The following SFMBT2 variants were observed in gnomAD, a reference collection of about 807,000 sequenced individuals.
SFMBT2 encodes the protein scm-like with four MBT domains protein 2.
SFMBT2 carries 38 observed loss-of-function variants against 110.1 expected under a neutral mutation model. The ratio of observed to expected loss-of-function variants is 0.35; its 90% CI spans 0.27 to 0.45. SFMBT2 has a LOEUF of 0.45. Among genes scored for constraint, SFMBT2 ranks in the 20% least tolerant of loss-of-function variants. SFMBT2 has a pLI of 1.00. For synonymous variants in SFMBT2, 425 were observed against 425.4 expected (o/e 1.00, Z 0.01); for missense variants, 1,011 against 1,094.9 (o/e 0.92, Z 1.08).
intron 11 of SFMBT2, among the ~76,000 whole-genome samples, chr10:7,210,186 C>T (rs1262164115): frequency 1.3e-5 from 2 of 152,292 alleles, no homozygotes; most frequent in East Asian, 3.9e-4. Flanking sequence ...CACGGCTCCA[C>T]CCAGCCGATG....
At chr10:7,278,519 C>T (rs867263826) in intron 6 of SFMBT2, among the ~76,000 whole-genome samples, 6 of 152,204 alleles carry the variant, frequency 3.9e-5, no homozygotes, top group Admixed American at 1.3e-4. Flanking sequence ...TGCCAACAGG[C>T]TGGAGCTCCT....
Position 7,194,988 on chromosome 10 carries a change from G to A in SFMBT2, c.1698+2560C>T, listed in dbSNP as rs112175097. ...TAAGGGAAGGTGTCATTTCAACAACGGAACACGTCACGTGAAACAGGCTTG... is the reference window on the plus strand; with the variant it reads ...TAAGGGAAGGTGTCATTTCAACAACAGAACACGTCACGTGAAACAGGCTTG... On this transcript the variant is annotated intron_variant, in intron 15 of 20. Transcript: ENST00000397167. 2.8e-3 allele frequency among the ~76,000 whole-genome samples: 428 copies of A among 152,284 alleles called. 2 individuals carry two copies. The highest frequency in any genetic ancestry group is 9.7e-3 in the African/African-American group (403 of 41,544).
chr10:7,232,083 A>G (rs1268846980), intron 9 of SFMBT2, among the ~76,000 whole-genome samples: 2 of 152,208 alleles, frequency 1.3e-5, no homozygotes, highest in Admixed American at 1.3e-4. Context: ...TAAACTTTGC[A>G]GCAAGCTTCC....
chr10:7,315,030 GAAAGAAAGAGAAAGA>G (rs1564435326), intron 4 of SFMBT2, among the ~76,000 whole-genome samples: 35 of 130,122 alleles, frequency 2.7e-4, no homozygotes, highest in Non-Finnish European at 5.1e-4. Flanking sequence ...GAGAGAGAAA[GAAAGAAAGAGAAAGA>G]AAGAAAGAAA....
At chr10:7,306,442 C>T (rs1410113420) in intron 4 of SFMBT2, among the ~76,000 whole-genome samples, 4 of 152,312 alleles carry the variant, frequency 2.6e-5, no homozygotes, top group Non-Finnish European at 5.9e-5. Context: ...GTATTGCTCA[C>T]GGCTGCTCTC....
chr10:7,313,936 G>A (rs1379344450), intron 4 of SFMBT2, among the ~76,000 whole-genome samples: 4 of 152,192 alleles, frequency 2.6e-5, no homozygotes, highest in African/African-American at 9.7e-5. Context: ...CAGCTTTTCT[G>A]CAGTTATTTC....
At chr10:7,268,496 C>T (rs537374637) in intron 7 of SFMBT2, among the ~76,000 whole-genome samples, 2 of 151,952 alleles carry the variant, frequency 1.3e-5, no homozygotes, top group South Asian at 4.2e-4. Flanking sequence ...GTGACTATGT[C>T]AAAGAAAGGT....
At chr10:7,376,423 A>G (rs1845210238) in intron 2 of SFMBT2, among the ~76,000 whole-genome samples, 1 of 151,984 alleles carries the variant, frequency 6.6e-6, no homozygotes, top group African/African-American at 2.4e-5. Context: ...CTTTCCTTAG[A>G]AAAAGGTCCC....
At chr10:7,303,673 C>T (rs74116452) in intron 4 of SFMBT2, among the ~76,000 whole-genome samples, 1,871 of 152,212 alleles carry the variant, frequency 0.012, 36 homozygotes, top group African/African-American at 0.043. Flanking sequence ...AAATAAATTA[C>T]TGAGATTTAA....
At chr10:7,186,459 C>CACACACACATATAT (rs748644225) in intron 16 of SFMBT2, among the ~76,000 whole-genome samples, 32 of 126,908 alleles carry the variant, frequency 2.5e-4, no homozygotes, top group African/African-American at 1.0e-3. Flanking sequence ...CACACACACA[C>CACACACACATATAT]ATATATATAT....
rs968709367 is a variant in SFMBT2 at position 7,160,690 on chromosome 10, G to C, written c.*3080C>G. 6.6e-6 allele frequency: 1 copy of C among 152,222 alleles called. No individual in the cohort carries two copies. The highest frequency in any genetic ancestry group is 2.1e-4 in the South Asian group (1 of 4,832). The allele number at this position is 152,222 out of a possible 1,614,324, so 9.4% of individuals were successfully genotyped here. ...GTCAAATCCACTTTTTCTGGCAAAA[G>C]CAACAAGGACACACACAGAAAAATG... On this transcript the variant is annotated 3_prime_UTR_variant, in exon 21 of 21. Coordinates refer to ENST00000397167, the MANE Select transcript of SFMBT2 (RefSeq NM_001387889.1).
chr10:7,235,850 T>C (rs1193609784), intron 9 of SFMBT2, among the ~76,000 whole-genome samples: 1 of 152,182 alleles, frequency 6.6e-6, no homozygotes, highest in Non-Finnish European at 1.5e-5. Context: ...CAGACAATAC[T>C]GTAAAATACA....
Position 7,243,622 on chromosome 10 carries a change from A to G in SFMBT2, c.1056T>C (p.Asp352=). The G allele has an allele frequency of 1.1e-6, 1 of 872,954 alleles. No homozygotes were observed. The highest frequency in any genetic ancestry group is 2.0e-6 in the Non-Finnish European group (1 of 501,674). 54.1% of individuals were successfully genotyped at this position (872,954 alleles called of 1,614,324 possible). The change falls in exon 9 of 21, where the codon GAT becomes GAC. Residue 352 remains aspartate, a synonymous_variant. Transcript: ENST00000397167. ...ACTGTACTGGCAAAATCCCCAAAGA[A>G]TCTGCATGGCACAGCATTGACAGTT... ...PSKLSMLCHA[D]SLGILPVQWC...
intron 7 of SFMBT2, among the ~76,000 whole-genome samples, chr10:7,255,058 T>C (rs1219811924): frequency 6.6e-6 from 1 of 152,180 alleles, no homozygotes; most frequent in African/African-American, 2.4e-5. Context: ...CATATTAGTA[T>C]ATGAGAAAAG....
chr10:7,186,957 T>C (rs1270073171), intron 16 of SFMBT2, among the ~76,000 whole-genome samples: 2 of 152,250 alleles, frequency 1.3e-5, no homozygotes, highest in African/African-American at 2.4e-5. Flanking sequence ...ATGGAACTTT[T>C]TGTCATATTT....
At chr10:7,319,744 GAC>G (rs1554803624) in intron 4 of SFMBT2, among the ~76,000 whole-genome samples, 6 of 117,710 alleles carry the variant, frequency 5.1e-5, no homozygotes, top group African/African-American at 8.1e-5. Context: ...AAGATAGAGA[GAC>G]AGAGAGAGAG....
At chr10:7,394,598 C>G (rs1344282564) in intron 1 of SFMBT2, among the ~76,000 whole-genome samples, 2 of 151,138 alleles carry the variant, frequency 1.3e-5, no homozygotes, top group Admixed American at 6.6e-5. Context: ...AGTGACTACT[C>G]TCAGTGCACA....
chr10:7,298,708 T>C (rs1331791646), intron 4 of SFMBT2, among the ~76,000 whole-genome samples: 1 of 151,918 alleles, frequency 6.6e-6, no homozygotes, highest in African/African-American at 2.4e-5. Context: ...TGTGTGTGCA[T>C]ATGTGCGTAT....
chr10:7,348,386 T>A, intron 4 of SFMBT2: 3 of 1,425,654 alleles, frequency 2.1e-6, no homozygotes, highest in East Asian at 5.2e-5. Flanking sequence ...GCTCCTATAA[T>A]CCATGATGGG....
Sources: gnomAD v4.1 joint callset for allele counts (sites outside exome capture counted in the v4.1 genomes callset) on GRCh38, gnomAD v4.1.1 for gene constraint, MANE v1.5 for transcripts, NCBI Gene and HGNC (gene_info 2026-07-23, HGNC 2026-07-21) for gene names.